Variants in DRP2 observed in about 807,000 individuals in gnomAD.
The protein encoded by DRP2 is dystrophin related protein 2.
DRP2 carries 29 observed loss-of-function variants against 78.2 expected under a neutral mutation model. The observed-to-expected ratio is 0.37, with a 90% confidence interval of 0.28 to 0.51. DRP2 has a LOEUF of 0.51. DRP2 is among the 20% of genes least tolerant of loss of function. The pLI is 0.94. For missense variants in DRP2, 686 were observed against 770.6 expected, an observed-to-expected ratio of 0.89 and a Z score of 1.30; for synonymous variants, 290 against 281.9, an observed-to-expected ratio of 1.03 and a Z score of -0.29.
rs752788250 is a variant in DRP2, at chrX:101,253,462, C to T, written c.1977+746C>T. On this transcript the variant is annotated intron_variant, in intron 17 of 23. Coordinates refer to ENST00000395209, the MANE Select transcript of DRP2 (RefSeq NM_001939.3). ...CAAAGCCCTGATCATATCCCCAGCTCCCACCACTGCTCTCTCTCCCCTATT... is the reference window on the plus strand; with the variant it reads ...CAAAGCCCTGATCATATCCCCAGCTTCCACCACTGCTCTCTCTCCCCTATT... Among the ~76,000 whole-genome samples, 4 of 107,263 alleles carry T rather than the reference C, an allele frequency of 3.7e-5. No individual in the cohort carries two copies. The South Asian group carries it at 1.7e-3, about 46-fold the overall frequency. The allele number at this position is 107,263 out of a possible 115,157, so 93.1% of individuals were successfully genotyped here. A position where few individuals can be genotyped will look rare whatever the true frequency, so the allele number is the denominator to read the frequency against.
intron 12 of DRP2, among the ~76,000 whole-genome samples, chrX:101,247,813 A>G (rs1263633213): frequency 8.9e-6 from 1 of 112,675 alleles, no homozygotes; most frequent in Non-Finnish European, 1.9e-5. Context: ...AGTATAACAT[A>G]GGAGTTGAGT....
intron 12 of DRP2, among the ~76,000 whole-genome samples, chrX:101,247,759 T>C (rs969434800): frequency 3.6e-5 from 4 of 112,548 alleles, no homozygotes; most frequent in African/African-American, 6.5e-5. Flanking sequence ...TTGAAACTCA[T>C]GCAAAGACAG....
At chrX:101,245,268 G>T in intron 10 of DRP2, 120 bp from the exon 11 acceptor site, 1 of 854,685 alleles carries the variant, frequency 1.2e-6, no homozygotes, top group South Asian at 2.4e-5. Flanking sequence ...GGCATCTTGG[G>T]TTTACCCTCG....
At position 101,241,655 on chromosome X, in the gene DRP2, C is replaced by G. The variant is rs781027026; in HGVS notation, c.560-13C>G. ...CTGGTTGGCCTAACCTGGCTTCCTGCCTCCTCTTGCAGATACCTCCCCGAA... is the reference window on the plus strand; with the variant it reads ...CTGGTTGGCCTAACCTGGCTTCCTGGCTCCTCTTGCAGATACCTCCCCGAA... On this transcript the variant is annotated splice_polypyrimidine_tract_variant and intron_variant, in intron 6 of 23. Transcript: ENST00000395209. 8.3e-7 allele frequency: 1 copy of G among 1,208,283 alleles called. No homozygotes were observed. Among genetic ancestry groups the G allele is most frequent in the Non-Finnish European group, 1.1e-6 (1 of 892,993 alleles).
Position 101,235,885 on chromosome X carries a change from C to T in DRP2, c.143C>T (p.Ala48Val), listed in dbSNP as rs748422722. The T allele has an allele frequency of 8.3e-6, 10 of 1,208,953 alleles. No individual in the cohort carries two copies. The highest frequency in any genetic ancestry group is 1.7e-5 in the African/African-American group (1 of 57,293). Residue 48 changes from alanine to valine, a missense_variant, in exon 4 of 24, where the codon GCA (alanine) becomes GTA (valine). Around this residue, in one of 2 missense-constraint regions of DRP2, gnomAD observed 263 missense variants for 239.1 expected, o/e 1.10. Coordinates refer to ENST00000395209, the MANE Select transcript of DRP2 (RefSeq NM_001939.3). The stretch of plus-strand genomic sequence containing the variant: ...GTTAGAGCTGCTGTCACCAGCCCTG[C>T]ACCTCCTCAAGATGGTGCTGGGGTT... Reference protein sequence around the residue: ...PQVRAAVTSPAPPQDGAGVPC... With the variant: ...PQVRAAVTSPVPPQDGAGVPC...
chrX:101,242,376 G>A lies in DRP2; in HGVS notation c.880G>A (p.Asp294Asn). ...GAAAGATGGAGTAAAGTTGGTGAAT[G>A]ATCTGGCCCACCAACTTGCCATTTC... ...PMKDGVKLVN[D>N]LAHQLAISDV... The change falls in exon 8 of 24, where the codon GAT becomes AAT. Residue 294 changes from aspartate to asparagine, a missense_variant. Physicochemically the swap from Asp to Asn is conservative, Grantham distance 23. Coordinates refer to ENST00000395209, the MANE Select transcript of DRP2 (RefSeq NM_001939.3). 8.3e-7 allele frequency: 1 copy of A among 1,211,761 alleles called. No individual in the cohort carries two copies. Among genetic ancestry groups the A allele is most frequent in the East Asian group, 3.0e-5 (1 of 33,833 alleles).
Position 101,247,189 on chromosome X carries a change from A to G in DRP2, c.1252+25A>G, listed in dbSNP as rs7885376. 1,732 of 1,166,711 alleles carry G rather than the reference A, an allele frequency of 1.5e-3. 7 individuals carry two copies. The African/African-American group carries it at 0.025, about 17-fold the overall frequency. On this transcript the variant is annotated intron_variant, in intron 12 of 23. Transcript: ENST00000395209. ...TGTACGTCTCCTGTTGTACTTCCCT[A>G]TGACGTTCACCACCCCTCTCCTGTT...
Position 101,263,746 on chromosome X carries a change from G to C in DRP2, c.*3125G>C, listed in dbSNP as rs1236203345. On this transcript the variant is annotated 3_prime_UTR_variant, in exon 24 of 24. Coordinates refer to ENST00000395209, the MANE Select transcript of DRP2 (RefSeq NM_001939.3). ...TATTTCCCTACAGAGAAATCTGTTT[G>C]AGTTTCTGGTGCTCCAGGAAATGGG... 2 of 112,091 alleles carry C rather than the reference G, an allele frequency of 1.8e-5. No homozygotes were observed. The highest frequency in any genetic ancestry group is 3.8e-5 in the Non-Finnish European group (2 of 53,228). The allele number at this position is 112,091 out of a possible 1,213,427, so 9.2% of individuals were successfully genotyped here. A position where few individuals can be genotyped will look rare whatever the true frequency, so the allele number is the denominator to read the frequency against.
At position 101,251,098 on chromosome X, in the gene DRP2, A is replaced by G; in HGVS notation, c.1865+15A>G. ...AAGGGGTTCAGGTAGGGAAAACAAT[A>G]CCTGCTGGGATGATAATAATAAATA... On this transcript the variant is annotated intron_variant, in intron 16 of 23. Coordinates refer to ENST00000395209, the MANE Select transcript of DRP2 (RefSeq NM_001939.3). 3 of 1,175,604 alleles carry G rather than the reference A, an allele frequency of 2.6e-6. No individual in the cohort carries two copies. In the African/African-American group the frequency reaches 5.3e-5, roughly 21 times the overall value.
rs1399297509 is a variant in DRP2, at chrX:101,260,561, T to C, written c.2814T>C (p.Arg938=). 1 of 1,209,575 alleles carries C rather than the reference T, an allele frequency of 8.3e-7. No individual in the cohort carries two copies. The highest frequency in any genetic ancestry group is 2.2e-5 in the Admixed American group (1 of 45,719). The change falls in exon 24 of 24, where the codon CGT becomes CGC. Residue 938 remains arginine, a synonymous_variant. Coordinates refer to ENST00000395209, the MANE Select transcript of DRP2 (RefSeq NM_001939.3). ...TGGAGGACATCATGGAGAAACTCCG[T>C]CATGCCTTCCCCAGTGTGCGAAGTT... ...LCLEDIMEKL[R]HAFPSVRSSD...
At chrX:101,248,038 G>C (rs779310534) in intron 12 of DRP2, 51 bp from the exon 13 acceptor site, 1 of 1,120,919 alleles carries the variant, frequency 8.9e-7, no homozygotes, top group African/African-American at 1.8e-5. Context: ...TTAATCCCTG[G>C]GGTTCTACTT....
intron 6 of DRP2, among the ~76,000 whole-genome samples, chrX:101,240,933 T>C (rs1325047035): frequency 1.8e-5 from 2 of 111,556 alleles, no homozygotes; most frequent in Non-Finnish European, 3.8e-5. Context: ...AATCTACAGA[T>C]TAGGAGCCTA....
intron 22 of DRP2, 111 bp from the exon 23 acceptor site, chrX:101,259,938 T>C (rs768137579): frequency 4.3e-5 from 43 of 1,010,224 alleles, no homozygotes; most frequent in Non-Finnish European, 5.5e-5. Context: ...TCTTAAAGTC[T>C]AAGGGTAAAG....
intron 3 of DRP2, among the ~76,000 whole-genome samples, chrX:101,234,357 A>G (rs1356845049): frequency 8.8e-6 from 1 of 113,188 alleles, no homozygotes; most frequent in Non-Finnish European, 1.9e-5. Context: ...CACTCCCGCC[A>G]TCCTTGCCAG....
chrX:101,258,883 A>C (rs1466900233), intron 22 of DRP2, among the ~76,000 whole-genome samples: 1 of 112,157 alleles, frequency 8.9e-6, no homozygotes, highest in African/African-American at 3.2e-5. Context: ...CAAACTTCAA[A>C]AATCATCTAA....
At chrX:101,250,358 T>C (rs1569509437) in intron 14 of DRP2, 65 bp from the exon 15 acceptor site, 1 of 1,198,695 alleles carries the variant, frequency 8.3e-7, no homozygotes, top group East Asian at 3.0e-5. Context: ...TTCTGCCCTT[T>C]CTCCTCACCA....
intron 3 of DRP2, among the ~76,000 whole-genome samples, chrX:101,234,835 A>G (rs5967275): frequency 0.39 from 42,547 of 108,639 alleles, 6,922 homozygotes; most frequent in African/African-American, 0.56. Flanking sequence ...CTTGTGTGGG[A>G]AAGAAGTATG....
At chrX:101,253,148 A>G (rs1170427121) in intron 17 of DRP2, among the ~76,000 whole-genome samples, 1 of 111,282 alleles carries the variant, frequency 9.0e-6, no homozygotes, top group Admixed American at 9.5e-5. Context: ...CTTTGTCATT[A>G]TTTCTACCCC....
At chrX:101,238,508 G>T (rs1445778186) in intron 5 of DRP2, among the ~76,000 whole-genome samples, 2 of 111,230 alleles carry the variant, frequency 1.8e-5, no homozygotes, top group Non-Finnish European at 3.8e-5. Context: ...GGTGGGGCAT[G>T]AAGGTGAGAT....
Sources: gnomAD v4.1 joint callset for allele counts (sites outside exome capture counted in the v4.1 genomes callset) on GRCh38, gnomAD v4.1.1 for gene constraint, gnomAD v4.1.1 regional missense constraint, MANE v1.5 for transcripts, NCBI Gene and HGNC (gene_info 2026-07-23, HGNC 2026-07-21) for gene names.